The following TMEM218 variants were observed in gnomAD, a reference collection of about 807,000 sequenced individuals.
TMEM218 encodes the protein transmembrane protein 218.
TMEM218 carries 8 observed loss-of-function variants against 10.0 expected under a neutral mutation model. The ratio of observed to expected loss-of-function variants is 0.80; its 90% CI spans 0.47 to 1.44. The LOEUF (loss-of-function observed/expected upper bound fraction) is 1.44, where lower values mean the gene tolerates loss of function less well. Among genes scored for constraint, TMEM218 ranks in the 40% most tolerant of loss-of-function variants. The pLI is 0.00. For synonymous variants in TMEM218, 66 were observed against 63.5 expected, an observed-to-expected ratio of 1.04 and a Z score of -0.18; for missense variants, 110 against 140.1, an observed-to-expected ratio of 0.79 and a Z score of 1.08.
rs372694804 is a variant in TMEM218, at chr11:125,102,268, C to A, written c.-27G>T. The A allele has an allele frequency of 9.9e-5, 159 of 1,606,192 alleles. 1 individual carries two copies. The highest frequency in any genetic ancestry group is 8.0e-4 in the African/African-American group (60 of 74,698). On this transcript the variant is annotated 5_prime_UTR_variant, in exon 3 of 5. Transcript: ENST00000682305. ...CCGCGGGGAGGCAGCGGCGGCCCCC[C>A]GCCCTGCGCGCCGCACGATCGAGTG...
At position 125,108,942 on chromosome 11, in the gene TMEM218, C is replaced by G. The variant is rs1229205909; in HGVS notation, c.-153+2597G>C. Among the ~76,000 whole-genome samples, 1 of 152,168 alleles carries G rather than the reference C, an allele frequency of 6.6e-6. No homozygotes were observed. Among genetic ancestry groups the G allele is most frequent in the East Asian group, 1.9e-4 (1 of 5,196 alleles). On this transcript the variant is annotated intron_variant, in intron 1 of 4. Transcript: ENST00000682305. This position sits in a 1 kb window ranked among gnomAD's most constrained non-coding sequence, Gnocchi z 5.3. The stretch of plus-strand genomic sequence containing the variant: ...CCTCCAATCAAAGAATAACAAAATA[C>G]ATCTTCACAAATTCCAAAACACCCT...
chr11:125,103,351 A>G (rs957763905), intron 1 of TMEM218: 1 of 152,488 alleles, frequency 6.6e-6, no homozygotes, highest in South Asian at 2.1e-4. Context: ...ACCCCCCTGC[A>G]TCCCCCTGTG....
intron 1 of TMEM218, chr11:125,110,396 T>C (rs1268232432): frequency 6.6e-6 from 1 of 152,230 alleles, no homozygotes; most frequent in Non-Finnish European, 1.5e-5. Flanking sequence ...GCTAATGTTT[T>C]CCTTCTGTGC....
intron 4 of TMEM218, 58 bp downstream of exon 4, chr11:125,101,143 C>T: frequency 7.0e-7 from 1 of 1,435,450 alleles, no homozygotes; most frequent in South Asian, 1.2e-5. Context: ...GACGGATGTG[C>T]AGACCAAGAG....
chr11:125,102,588 C>G lies in TMEM218; in HGVS notation c.-77+146G>C, dbSNP rs1319901165. On this transcript the variant is annotated intron_variant, in intron 2 of 4. Coordinates refer to ENST00000682305, the MANE Select transcript of TMEM218 (RefSeq NM_001258244.2). ...ACCTGAGTTCTACTTTGACCTCTTC[C>G]CCCAGCCCACGGGAGAAAGCTGAAC... 3.0e-6 allele frequency: 4 copies of G among 1,327,188 alleles called. No individual in the cohort carries two copies. The African/African-American group carries it at 4.5e-5, about 15-fold the overall frequency. The allele number at this position is 1,327,188 out of a possible 1,614,324, so 82.2% of individuals were successfully genotyped here. A position where few individuals can be genotyped will look rare whatever the true frequency, so the allele number is the denominator to read the frequency against.
intron 4 of TMEM218, among the ~76,000 whole-genome samples, chr11:125,100,987 G>A (rs1950626708): frequency 2.6e-5 from 4 of 152,216 alleles, no homozygotes. Flanking sequence ...GCCTGGTGGG[G>A]TTGTAGATGG....
Position 125,102,155 on chromosome 11 carries a change from C to T in TMEM218, c.87G>A (p.Leu29=). The T allele has an allele frequency of 6.3e-7, 1 of 1,599,036 alleles. No homozygotes were observed. ...WVAVLLLCVL[L]SRASGAARFS... The stretch of plus-strand genomic sequence containing the variant: ...ACCTCGCCGCCCCGGAGGCTCTGGA[C>T]AGCAGCACACACAGCAGCAGCACTG... Residue 29 remains leucine, a synonymous_variant, in exon 3 of 5, where the codon CTG becomes CTA. Coordinates refer to ENST00000682305, the MANE Select transcript of TMEM218 (RefSeq NM_001258244.2).
Position 125,102,245 on chromosome 11 carries a change from G to A in TMEM218, c.-4C>T, listed in dbSNP as rs201160103. The A allele has an allele frequency of 3.6e-3, 5,758 of 1,612,260 alleles. 12 individuals are homozygous for A. Among genetic ancestry groups the A allele is most frequent in the Non-Finnish European group, 4.4e-3 (5,228 of 1,179,302 alleles). ...CTCCGAGCACAGTGCCAGCCATCCC[G>A]CGGGGAGGCAGCGGCGGCCCCCCGC... On this transcript the variant is annotated 5_prime_UTR_variant, in exon 3 of 5. Transcript: ENST00000682305.
chr11:125,094,575 A>G lies in TMEM218; in HGVS notation c.*3031T>C, dbSNP rs773553345. Among the ~76,000 whole-genome samples, 34 of 152,216 alleles carry G rather than the reference A, an allele frequency of 2.2e-4. No homozygotes were observed. Among genetic ancestry groups the G allele is most frequent in the Non-Finnish European group, 4.0e-4 (27 of 68,034 alleles). ...AATCCTGATGTCAAGTTGGAGCCCC[A>G]CTTCTAATTAACTGTGAAACTTTTT... is the stretch of plus-strand genomic sequence containing the variant. On this transcript the variant is annotated 3_prime_UTR_variant, in exon 5 of 5. Transcript: ENST00000682305.
At chr11:125,101,370 G>C (rs1950737717) in intron 3 of TMEM218, 67 bp from the exon 4 acceptor site, 1 of 1,538,800 alleles carries the variant, frequency 6.5e-7, no homozygotes, top group South Asian at 1.2e-5. Context: ...GTTAGGTCTG[G>C]ACAGTCTCTT....
At position 125,108,712 on chromosome 11, in the gene TMEM218, T is replaced by A. The variant is rs1418260914; in HGVS notation, c.-153+2827A>T. Among the ~76,000 whole-genome samples the A allele has an allele frequency of 6.6e-6, 1 of 152,184 alleles. No homozygotes were observed. Among genetic ancestry groups the A allele is most frequent in the East Asian group, 1.9e-4 (1 of 5,204 alleles). ...ACATTAGAGTTGCATTCCTGGAAAT[T>A]TTACTATATTAAACTGTGCCAAAAA... On this transcript the variant is annotated intron_variant, in intron 1 of 4. Coordinates refer to ENST00000682305, the MANE Select transcript of TMEM218 (RefSeq NM_001258244.2). This position sits in a 1 kb window ranked among gnomAD's most constrained non-coding sequence, Gnocchi z 5.3.
At position 125,108,746 on chromosome 11, in the gene TMEM218, T is replaced by C. The variant is rs937375912; in HGVS notation, c.-153+2793A>G. 5.3e-5 allele frequency among the ~76,000 whole-genome samples: 8 copies of C among 152,242 alleles called. No homozygotes were observed. Among genetic ancestry groups the C allele is most frequent in the African/African-American group, 1.9e-4 (8 of 41,468 alleles). On this transcript the variant is annotated intron_variant, in intron 1 of 4. Coordinates refer to ENST00000682305, the MANE Select transcript of TMEM218 (RefSeq NM_001258244.2). The surrounding 1 kb of genome is among the most constrained non-coding windows in gnomAD (Gnocchi z 5.3). Reference sequence around the variant, plus strand: ...TTAAACTGTGCCAAAAAATACATTATGTTTATACAAAAACCGGAGTTAGGC... The same window carrying C: ...TTAAACTGTGCCAAAAAATACATTACGTTTATACAAAAACCGGAGTTAGGC...
Position 125,101,292 on chromosome 11 carries a change from A to T in TMEM218, c.122T>A (p.Ile41Asn). 6.2e-7 allele frequency: 1 copy of T among 1,612,280 alleles called. No homozygotes were observed. Among genetic ancestry groups the T allele is most frequent in the Non-Finnish European group, 8.5e-7 (1 of 1,178,808 alleles). ...RASGAARFSV[I>N]FLFFGAVIIT... Reference sequence around the variant, plus strand: ...GATCACAGCACCGAAGAATAAAAAAATGACAGAGAACCTGGGGTTAAAAAG... The same window carrying T: ...GATCACAGCACCGAAGAATAAAAAATTGACAGAGAACCTGGGGTTAAAAAG... Residue 41 changes from isoleucine to asparagine, a missense_variant, in exon 4 of 5, where the codon ATT becomes AAT. By Grantham distance (149) the Ile-to-Asn change is moderately radical. Transcript: ENST00000682305.
rs113990513 is a variant in TMEM218, at chr11:125,107,016, C to T, written c.-152-4207G>A. 5.5e-3 allele frequency among the ~76,000 whole-genome samples: 832 copies of T among 152,138 alleles called. 10 individuals carry two copies. The highest frequency in any genetic ancestry group is 0.019 in the African/African-American group (782 of 41,500). On this transcript the variant is annotated intron_variant, in intron 1 of 4. Transcript: ENST00000682305. Reference sequence around the variant, plus strand: ...ATAAAGCAATGAGAATAGTATAAAGCAATGAGAAAGAACACACTACAACTA... The same window carrying T: ...ATAAAGCAATGAGAATAGTATAAAGTAATGAGAAAGAACACACTACAACTA...
chr11:125,102,068 G>T, intron 3 of TMEM218, 64 bp downstream of exon 3: 1 of 1,453,530 alleles, frequency 6.9e-7, no homozygotes, highest in Non-Finnish European at 9.1e-7. Flanking sequence ...AATGTTTAGT[G>T]AGCATCAGCG....
chr11:125,103,831 T>C (rs1193288191), intron 1 of TMEM218: 2 of 152,218 alleles, frequency 1.3e-5, no homozygotes, highest in African/African-American at 4.8e-5. Flanking sequence ...TGGTTTTCTT[T>C]ACCCTTATGG....
At chr11:125,103,824 T>G (rs1265511324) in intron 1 of TMEM218, 3 of 152,140 alleles carry the variant, frequency 2.0e-5, no homozygotes, top group Non-Finnish European at 4.4e-5. Context: ...AGGTTGCTGG[T>G]TTTCTTTACC....
chr11:125,104,091 G>T (rs1951545159), intron 1 of TMEM218: 1 of 152,222 alleles, frequency 6.6e-6, no homozygotes, highest in African/African-American at 2.4e-5. Flanking sequence ...AATGGTAAAA[G>T]CGAAGTGCAG....
Position 125,108,759 on chromosome 11 carries a change from A to C in TMEM218, c.-153+2780T>G, listed in dbSNP as rs2135954509. On this transcript the variant is annotated intron_variant, in intron 1 of 4. Coordinates refer to ENST00000682305, the MANE Select transcript of TMEM218 (RefSeq NM_001258244.2). The surrounding 1 kb of genome is among the most constrained non-coding windows in gnomAD (Gnocchi z 5.3). ...AAAAATACATTATGTTTATACAAAA[A>C]CCGGAGTTAGGCTCTACACTCAGAT... Among the ~76,000 whole-genome samples the C allele has an allele frequency of 6.6e-6, 1 of 152,242 alleles. No homozygotes were observed. The highest frequency in any genetic ancestry group is 2.1e-4 in the South Asian group (1 of 4,830).
Sources: allele counts gnomAD v4.1 joint callset (sites outside exome capture counted in the v4.1 genomes callset), GRCh38; gene constraint gnomAD v4.1.1; non-coding constraint Gnocchi (gnomAD v3.1); transcripts MANE v1.5; gene names NCBI Gene and HGNC (gene_info 2026-07-23, HGNC 2026-07-21).